The following GALNTL6 variants were observed in gnomAD, a reference collection of about 807,000 sequenced individuals.
The protein encoded by GALNTL6 is polypeptide N-acetylgalactosaminyltransferase-like 6.
A neutral mutation model predicts 73.7 loss-of-function variants in GALNTL6; 46 were observed. The observed-to-expected ratio is 0.62, with a 90% CI of 0.49 to 0.80. The LOEUF (loss-of-function observed/expected upper bound fraction) is 0.80, where lower values mean the gene tolerates loss of function less well. GALNTL6 is among the 30% of genes least tolerant of loss of function. The pLI is 0.00. For missense variants in GALNTL6, 604 were observed against 755.0 expected, an observed-to-expected ratio of 0.80 and a Z score of 2.34; for synonymous variants, 259 against 263.7, an observed-to-expected ratio of 0.98 and a Z score of 0.17.
intron 5 of GALNTL6, among the ~76,000 whole-genome samples, chr4:172,519,071 A>G (rs1734694653): frequency 6.7e-6 from 1 of 150,290 alleles, no homozygotes; most frequent in African/African-American, 2.4e-5. Context: ...TTGTTCGAAG[A>G]ATGTATTTTA....
At chr4:172,424,234 A>G (rs978445907) in intron 5 of GALNTL6, among the ~76,000 whole-genome samples, 13 of 151,968 alleles carry the variant, frequency 8.6e-5, no homozygotes, top group African/African-American at 3.1e-4. Flanking sequence ...TTTAAATTTT[A>G]TTTATTTTTC....
At chr4:173,028,906 G>T (rs1043240685) in intron 12 of GALNTL6, among the ~76,000 whole-genome samples, 2 of 152,328 alleles carry the variant, frequency 1.3e-5, no homozygotes, top group Admixed American at 6.5e-5. Flanking sequence ...AGGCTAAATT[G>T]ATAACAGTGT....
chr4:172,861,858 G>A (rs1194031016), intron 7 of GALNTL6, among the ~76,000 whole-genome samples: 1 of 152,196 alleles, frequency 6.6e-6, no homozygotes, highest in African/African-American at 2.4e-5. Context: ...GCCCAGCCAT[G>A]TGGAACTGTG....
At chr4:172,740,770 T>A (rs1215335460) in intron 5 of GALNTL6, among the ~76,000 whole-genome samples, 1 of 152,136 alleles carries the variant, frequency 6.6e-6, no homozygotes, top group Non-Finnish European at 1.5e-5. Flanking sequence ...AGTGCTGAAG[T>A]GTTACCTAGT....
chr4:172,222,143 T>C (rs1736698012), intron 2 of GALNTL6, among the ~76,000 whole-genome samples: 1 of 151,806 alleles, frequency 6.6e-6, no homozygotes, highest in African/African-American at 2.4e-5. Flanking sequence ...GGGCAGCATC[T>C]TCAGAAATTT....
chr4:172,542,928 T>TA lies in GALNTL6; in HGVS notation c.553+194250dup, dbSNP rs567825878. Among the ~76,000 whole-genome samples, 1,248 of 145,520 alleles carry TA rather than the reference T, an allele frequency of 8.6e-3. 10 individuals carry two copies. The highest frequency in any genetic ancestry group is 0.025 in the African/African-American group (992 of 39,860). ...CAATGTGGTGAAACCCTGTCTCTAC[T>TA]AAAAAAAAAAATACAAAAATTAGCC... On this transcript the variant is annotated intron_variant, in intron 5 of 12. Transcript: ENST00000506823.
chr4:172,261,218 T>C (rs897072997), intron 3 of GALNTL6, among the ~76,000 whole-genome samples: 1 of 151,596 alleles, frequency 6.6e-6, no homozygotes, highest in Non-Finnish European at 1.5e-5. Flanking sequence ...AATTCATTTG[T>C]GAATCAATCT....
intron 5 of GALNTL6, among the ~76,000 whole-genome samples, chr4:172,542,475 C>CCTATA (rs1421794754): frequency 6.6e-6 from 1 of 152,094 alleles, no homozygotes; most frequent in African/African-American, 2.4e-5. Flanking sequence ...ACCGAGGACT[C>CCTATA]CTATACCCTT....
At chr4:172,371,855 T>A (rs377156469) in intron 5 of GALNTL6, among the ~76,000 whole-genome samples, 3 of 152,218 alleles carry the variant, frequency 2.0e-5, no homozygotes, top group South Asian at 2.1e-4. Flanking sequence ...TGCCACCACC[T>A]TGGGTTTTTG....
At chr4:172,270,204 T>C (rs1738596742) in intron 3 of GALNTL6, among the ~76,000 whole-genome samples, 1 of 152,036 alleles carries the variant, frequency 6.6e-6, no homozygotes, top group African/African-American at 2.4e-5. Flanking sequence ...TGTGTGTGTA[T>C]ATGTGTGTGT....
intron 8 of GALNTL6, among the ~76,000 whole-genome samples, chr4:172,912,290 C>T (rs1022792023): frequency 2.0e-5 from 3 of 152,202 alleles, no homozygotes; most frequent in Non-Finnish European, 2.9e-5. Flanking sequence ...CAGTCTACAG[C>T]TCCCAGTGTC....
intron 5 of GALNTL6, among the ~76,000 whole-genome samples, chr4:172,357,885 T>C (rs778135437): frequency 7.2e-5 from 11 of 152,124 alleles, no homozygotes; most frequent in Admixed American, 3.9e-4. Context: ...TTCTGCAAAA[T>C]TATTAAGTCC....
chr4:172,885,026 C>G (rs923057936), intron 8 of GALNTL6, among the ~76,000 whole-genome samples: 1 of 152,030 alleles, frequency 6.6e-6, no homozygotes, highest in Non-Finnish European at 1.5e-5. Flanking sequence ...ATTACAATAG[C>G]TTTGTGGTAT....
At chr4:172,200,723 A>C (rs1464767026) in intron 2 of GALNTL6, among the ~76,000 whole-genome samples, 1 of 152,252 alleles carries the variant, frequency 6.6e-6, no homozygotes, top group Non-Finnish European at 1.5e-5. Flanking sequence ...TTGTTTAGCC[A>C]GTGAACCATA....
intron 3 of GALNTL6, among the ~76,000 whole-genome samples, chr4:172,246,327 G>A (rs998888139): frequency 6.6e-6 from 1 of 152,040 alleles, no homozygotes; most frequent in African/African-American, 2.4e-5. Context: ...ATAGTATTTG[G>A]TCATAGATAA....
intron 5 of GALNTL6, among the ~76,000 whole-genome samples, chr4:172,752,046 T>TAAAAAAAAAA (rs5864166): frequency 7.4e-6 from 1 of 135,020 alleles, no homozygotes; most frequent in Non-Finnish European, 1.6e-5. Context: ...AACTTAAACT[T>TAAAAAAAAAA]AAAAAAAAAA....
chr4:172,005,104 C>CTTTTA (rs71592040), intron 2 of GALNTL6, among the ~76,000 whole-genome samples: 36 of 149,924 alleles, frequency 2.4e-4, no homozygotes, highest in South Asian at 1.5e-3. Context: ...TCTTAAAAAG[C>CTTTTA]TTTTATTTTA....
intron 5 of GALNTL6, among the ~76,000 whole-genome samples, chr4:172,718,743 T>C (rs767090963): frequency 1.3e-5 from 2 of 152,174 alleles, no homozygotes; most frequent in Admixed American, 6.5e-5. Flanking sequence ...CCCTGAGTGT[T>C]CAAAATGGTG....
intron 5 of GALNTL6, among the ~76,000 whole-genome samples, chr4:172,353,988 C>G (rs1186856639): frequency 6.6e-6 from 1 of 152,052 alleles, no homozygotes. Context: ...TCAATCAGCA[C>G]AAGTTTTACA....
Sources: gnomAD v4.1 joint callset for allele counts (sites outside exome capture counted in the v4.1 genomes callset) on GRCh38, gnomAD v4.1.1 for gene constraint, MANE v1.5 for transcripts, NCBI Gene and HGNC (gene_info 2026-07-23, HGNC 2026-07-21) for gene names.